The following KPTN variants were observed in gnomAD, a reference collection of about 807,000 sequenced individuals.
KPTN encodes the protein kaptin, actin binding protein.
KPTN carries 36 observed loss-of-function variants against 52.6 expected under a neutral mutation model. The observed-to-expected ratio is 0.68, with a 90% CI of 0.52 to 0.90. The LOEUF (loss-of-function observed/expected upper bound fraction) is 0.90. Ranked by LOEUF, KPTN falls within the 40% of genes least tolerant of loss-of-function variation. The pLI is 0.00. For missense variants in KPTN, 529 were observed against 576.2 expected (o/e 0.92, Z 0.84); for synonymous variants, 271 against 248.4 (o/e 1.09, Z -0.85).
In KPTN at chr19:47,481,030, G is replaced by T; in HGVS notation, c.453C>A (p.Val151=). 1 of 1,577,984 alleles carries T rather than the reference G, an allele frequency of 6.3e-7. No individual in the cohort carries two copies. The highest frequency in any genetic ancestry group is 2.3e-5 in the East Asian group (1 of 43,410). Residue 151 remains valine, a synonymous_variant, in exon 5 of 12, where the codon GTC becomes GTA. Transcript: ENST00000338134. Reference sequence around the variant, plus strand: ...CAGTCTCAAGTTGATCCCCGACCTGGACCCTGAAAGCAGAGAAATCTAGAA... The same window carrying T: ...CAGTCTCAAGTTGATCCCCGACCTGTACCCTGAAAGCAGAGAAATCTAGAA... The part of the protein sequence containing the change: ...FTPFQLCHAE[V]QVGDQLETVF...
rs374870282 is a variant in KPTN at position 47,476,650 on chromosome 19, T to C, written c.1064A>G (p.His355Arg). Residue 355 changes from histidine to arginine, a missense_variant, in exon 11 of 12, where the codon CAT becomes CGT. His to Arg is a conservative substitution (Grantham distance 29, BLOSUM62 0). Transcript: ENST00000338134. ...SGLPEAQHGF[H>R]LLWQRSFSSP... is the part of the protein sequence containing the mutation. Reference sequence around the variant, plus strand: ...GGAGAAGCTCCGCTGCCACAGCAGATGGAACCCGTGCTGGGCCTCAGGAAG... The same window carrying C: ...GGAGAAGCTCCGCTGCCACAGCAGACGGAACCCGTGCTGGGCCTCAGGAAG... 1.4e-5 allele frequency: 23 copies of C among 1,612,896 alleles called. No homozygotes were observed. The highest frequency in any genetic ancestry group is 1.9e-5 in the Non-Finnish European group (23 of 1,179,776).
At position 47,480,712 on chromosome 19, in the gene KPTN, G is replaced by C. The variant is rs368983453; in HGVS notation, c.599+48C>G. 1.9e-5 allele frequency: 30 copies of C among 1,556,980 alleles called. No homozygotes were observed. In the African/African-American group the frequency reaches 3.9e-4, roughly 20 times the overall value. On this transcript the variant is annotated intron_variant, in intron 6 of 11. Transcript: ENST00000338134. ...TAAGGTCTCACCGCCCGATTTCTCT[G>C]ATGTCAGTGCCCCGGTCCCCAGTGG...
intron 9 of KPTN, 145 bp from the exon 10 acceptor site, chr19:47,477,083 A>C: frequency 3.2e-5 from 26 of 807,648 alleles, no homozygotes; most frequent in Non-Finnish European, 4.4e-5. Context: ...TCATCATCTC[A>C]GATTTGGACA....
In KPTN at chr19:47,480,311, G is replaced by A. The variant is rs1365395064; in HGVS notation, c.696C>T (p.Asp232=). The change falls in exon 7 of 12, where the codon GAC becomes GAT. Residue 232 remains aspartate (D), a synonymous_variant. Transcript: ENST00000338134. ...CGCGGCCCTCACCTCGACTCCGCTGGTCCACGTGGGCGACACGGACATAAC... is the reference window on the plus strand; with the variant it reads ...CGCGGCCCTCACCTCGACTCCGCTGATCCACGTGGGCGACACGGACATAAC... ...QSGYVRVAHV[D]QRSREVLQMW... 1.3e-6 allele frequency: 2 copies of A among 1,547,912 alleles called. No homozygotes were observed. Among genetic ancestry groups the A allele is most frequent in the African/African-American group, 1.4e-5 (1 of 71,878 alleles).
chr19:47,484,278 C>A, upstream of KPTN: 1 of 1,289,606 alleles, frequency 7.8e-7, no homozygotes, highest in Non-Finnish European at 1.0e-6. Context: ...TGATGACGTA[C>A]GGAAGCTGCC....
At chr19:47,482,561 C>T (rs1219364159) in intron 4 of KPTN, among the ~76,000 whole-genome samples, 1 of 151,616 alleles carries the variant, frequency 6.6e-6, no homozygotes, top group African/African-American at 2.4e-5. Flanking sequence ...TGGACAAGTT[C>T]GTGGTCTCCA....
Position 47,477,893 on chromosome 19 carries a change from C to G in KPTN, c.788-112G>C. 3 of 657,820 alleles carry G rather than the reference C, an allele frequency of 4.6e-6. 1 individual carries two copies. The highest frequency in any genetic ancestry group is 3.0e-5 in the South Asian group (2 of 66,830). 40.7% of individuals were successfully genotyped at this position (657,820 alleles called of 1,614,324 possible). A position where few individuals can be genotyped will look rare whatever the true frequency, so the allele number is the denominator to read the frequency against. The stretch of plus-strand genomic sequence containing the variant: ...TGGTCAACATGATAAAACCCCGCCT[C>G]TACTAAAAACACAAAAATTAGCCGG... On this transcript the variant is annotated intron_variant, in intron 8 of 11. Transcript: ENST00000338134.
At chr19:47,483,710 T>C in intron 1 of KPTN, 126 bp from the exon 2 acceptor site, 1 of 888,738 alleles carries the variant, frequency 1.1e-6, no homozygotes, top group Non-Finnish European at 1.7e-6. Context: ...CATCACCTGA[T>C]CTCTGTTCCC....
At position 47,483,538 on chromosome 19, in the gene KPTN, G is replaced by C. The variant is rs756075147; in HGVS notation, c.273C>G (p.Pro91=). 6.3e-7 allele frequency: 1 copy of C among 1,579,392 alleles called. No homozygotes were observed. The change falls in exon 2 of 12, where the codon CCC becomes CCG. Residue 91 remains proline (P), a synonymous_variant. Coordinates refer to ENST00000338134, the MANE Select transcript of KPTN (RefSeq NM_007059.4). ...TGATCCCCACAACCAGACCCCGCTT[G>C]GGGGGTGACTTGTTGAAAGTGTCGA... ...VSIDTFNKSP[P]KRGLVVGITF...
At position 47,475,480 on chromosome 19, in the gene KPTN, C is replaced by T. The variant is rs201694339; in HGVS notation, c.1247G>A (p.Arg416Lys). The change falls in exon 12 of 12, where the codon AGA becomes AAA. Residue 416 changes from arginine (R) to lysine (K), a missense_variant. By Grantham distance (26) the Arg-to-Lys change is conservative. Coordinates refer to ENST00000338134, the MANE Select transcript of KPTN (RefSeq NM_007059.4). ...GTCCTCCAACCCCTGTAGCCGACGT[C>T]TCCTCTGCTCCACTTGATGTCGAAG... ...TRLRHQVEQR[R>K]RRLQGLEDGA... The T allele has an allele frequency of 6.2e-7, 1 of 1,613,596 alleles. No homozygotes were observed.
At chr19:47,477,329 C>A (rs896018176) in intron 9 of KPTN, among the ~76,000 whole-genome samples, 2 of 152,202 alleles carry the variant, frequency 1.3e-5, no homozygotes, top group Admixed American at 6.5e-5. Context: ...CGAGAGCTGA[C>A]TGGGAAATGT....
chr19:47,485,233 C>T (rs185558577), upstream of KPTN, among the ~76,000 whole-genome samples: 19 of 152,216 alleles, frequency 1.2e-4, no homozygotes, highest in East Asian at 3.5e-3. Context: ...TGTGCCCGGA[C>T]GTCCTTTGCA....
chr19:47,483,542 G>A lies in KPTN; in HGVS notation c.269C>T (p.Pro90Leu). The change falls in exon 2 of 12, where the codon CCC becomes CTC. Residue 90 changes from proline to leucine, a missense_variant. Coordinates refer to ENST00000338134, the MANE Select transcript of KPTN (RefSeq NM_007059.4). ...IVSIDTFNKS[P>L]PKRGLVVGIT... ...CCCCACAACCAGACCCCGCTTGGGG[G>A]GTGACTTGTTGAAAGTGTCGATGGA... 1.3e-6 allele frequency: 2 copies of A among 1,577,594 alleles called. No individual in the cohort carries two copies. The highest frequency in any genetic ancestry group is 1.7e-6 in the Non-Finnish European group (2 of 1,161,094).
chr19:47,477,100 T>C (rs1036043885), intron 9 of KPTN, among the ~76,000 whole-genome samples, 162 bp from the exon 10 acceptor site: 10 of 152,196 alleles, frequency 6.6e-5, no homozygotes, highest in Admixed American at 6.5e-4. Flanking sequence ...GACATATTCA[T>C]AGACCCAGCA....
chr19:47,483,069 A>G (rs1967940761), intron 4 of KPTN, 92 bp downstream of exon 4: 12 of 1,250,522 alleles, frequency 9.6e-6, no homozygotes, highest in Non-Finnish European at 1.3e-5. Flanking sequence ...GGGGAAACAG[A>G]CTACAGGGGT....
chr19:47,479,563 C>T (rs1412553226), intron 8 of KPTN, among the ~76,000 whole-genome samples: 2 of 152,074 alleles, frequency 1.3e-5, no homozygotes, highest in Admixed American at 6.6e-5. Context: ...GAGGTGGATG[C>T]TCAGCCCCAG....
In KPTN at chr19:47,480,007, C is replaced by G. The variant is rs1298706000; in HGVS notation, c.710-67G>C. ...GTCCCGCCCGCAGCCCTGAAACCATCGACTTTCCGCCCCCACCGTTCATCC... is the reference window on the plus strand; with the variant it reads ...GTCCCGCCCGCAGCCCTGAAACCATGGACTTTCCGCCCCCACCGTTCATCC... On this transcript the variant is annotated intron_variant, in intron 7 of 11. Coordinates refer to ENST00000338134, the MANE Select transcript of KPTN (RefSeq NM_007059.4). The G allele has an allele frequency of 1.1e-5, 15 of 1,313,428 alleles. No individual in the cohort carries two copies. The East Asian group carries it at 3.8e-4, about 33-fold the overall frequency. The allele number at this position is 1,313,428 out of a possible 1,614,324, so 81.4% of individuals were successfully genotyped here.
chr19:47,477,512 C>A (rs962474460), intron 9 of KPTN, among the ~76,000 whole-genome samples, 194 bp downstream of exon 9: 4 of 151,766 alleles, frequency 2.6e-5, no homozygotes, highest in Admixed American at 6.6e-5. Context: ...TCTGCTCCCA[C>A]CCCCCAGCCT....
upstream of KPTN, among the ~76,000 whole-genome samples, chr19:47,485,546 G>C (rs1351383924): frequency 3.3e-5 from 5 of 152,218 alleles, no homozygotes; most frequent in African/African-American, 1.2e-4. Context: ...CAGACTGCAA[G>C]CTCCATGAAG....
Sources: allele counts gnomAD v4.1 joint callset (sites outside exome capture counted in the v4.1 genomes callset), GRCh38; gene constraint gnomAD v4.1.1; transcripts MANE v1.5; gene names NCBI Gene and HGNC (gene_info 2026-07-23, HGNC 2026-07-21).